Variants in MYLK observed in about 807,000 individuals in gnomAD.
MYLK encodes myosin light chain kinase, also known as myosin light chain kinase, smooth muscle.
In MYLK, 106 loss-of-function variants were observed where a neutral mutation model predicts 203.4. The ratio of observed to expected loss-of-function variants is 0.52; its 90% CI spans 0.45 to 0.61. MYLK has a LOEUF of 0.61. Among genes scored for constraint, MYLK ranks in the 20% least tolerant of loss-of-function variants. The probability of loss-of-function intolerance (pLI) is 0.00; values close to 1 mark genes in which losing one functional copy is unlikely to be tolerated. For synonymous variants in MYLK, 867 were observed against 959.5 expected (o/e 0.90, Z 1.78); for missense variants, 2,072 against 2,442.3 (o/e 0.85, Z 3.20).
At chr3:123,780,499 G>A (rs1379620345) in intron 4 of MYLK, among the ~76,000 whole-genome samples, 1 of 152,148 alleles carries the variant, frequency 6.6e-6, no homozygotes, top group Non-Finnish European at 1.5e-5. Flanking sequence ...AACAGGAAGG[G>A]GCATCACAGT....
chr3:123,744,963 C>T (rs2062971171), intron 5 of MYLK, among the ~76,000 whole-genome samples: 3 of 152,074 alleles, frequency 2.0e-5, no homozygotes, highest in Non-Finnish European at 2.9e-5. Flanking sequence ...AGTAACAGCA[C>T]TATCTATATA....
At chr3:123,638,826 G>C (rs1369871960) in intron 28 of MYLK, 1 of 985,316 alleles carries the variant, frequency 1.0e-6, no homozygotes, top group Non-Finnish European at 1.2e-6. Context: ...TTCAACCCCA[G>C]GGTGGTACCT....
chr3:123,638,314 A>G lies in MYLK; in HGVS notation c.4838-120T>C, dbSNP rs41505452. 4,040 of 1,421,172 alleles carry G rather than the reference A, an allele frequency of 2.8e-3. 86 individuals are homozygous for G. The African/African-American group carries it at 0.046, about 16-fold the overall frequency. 88.0% of individuals were successfully genotyped at this position (1,421,172 alleles called of 1,614,324 possible). On this transcript the variant is annotated intron_variant, in intron 28 of 33. Coordinates refer to ENST00000360304, the MANE Select transcript of MYLK (RefSeq NM_053025.4). ...GGAGGGGCCAGACACAGGCTTTGGC[A>G]CAGAGAACAGGCACAGAGACATCTG... is the stretch of plus-strand genomic sequence containing the variant.
At chr3:123,625,884 A>G (rs193078574) in intron 31 of MYLK, among the ~76,000 whole-genome samples, 1 of 152,274 alleles carries the variant, frequency 6.6e-6, no homozygotes, top group Non-Finnish European at 1.5e-5. Flanking sequence ...TGATAAACTG[A>G]AAAACATCCT....
At chr3:123,810,894 G>A (rs755080894) in intron 3 of MYLK, among the ~76,000 whole-genome samples, 10 of 152,242 alleles carry the variant, frequency 6.6e-5, no homozygotes, top group Non-Finnish European at 1.2e-4. Context: ...TGATAACAGA[G>A]ATCGACACAC....
Position 123,752,526 on chromosome 3 carries a change from G to A in MYLK, c.178C>T (p.Pro60Ser). Residue 60 changes from proline (P) to serine (S), a missense_variant, in exon 5 of 34, where the codon CCA (proline) becomes TCA (serine). By Grantham distance (74) the Pro-to-Ser change is moderately conservative. Transcript: ENST00000360304. Reference sequence around the variant, plus strand: ...CTGTGCCATGTCACCTGGGGCTCTGGGTAACCCCGGACCTTCAAGAAAAAG... The same window carrying A: ...CTGTGCCATGTCACCTGGGGCTCTGAGTAACCCCGGACCTTCAAGAAAAAG... ...AKFEGRVRGY[P>S]EPQVTWHRNG... 1 of 1,613,326 alleles carries A rather than the reference G, an allele frequency of 6.2e-7. No homozygotes were observed. The highest frequency in any genetic ancestry group is 8.5e-7 in the Non-Finnish European group (1 of 1,179,886).
At chr3:123,868,045 AC>A in intron 2 of MYLK, among the ~76,000 whole-genome samples, 2 of 152,338 alleles carry the variant, frequency 1.3e-5, no homozygotes, top group East Asian at 3.9e-4. Context: ...TTTGGCTCCA[AC>A]CAGTCTAGGA....
chr3:123,789,011 T>C (rs1224456205), intron 4 of MYLK, among the ~76,000 whole-genome samples: 2 of 152,114 alleles, frequency 1.3e-5, no homozygotes, highest in Non-Finnish European at 1.5e-5. Context: ...TCAGCATTTT[T>C]CCCACCATTG....
intron 4 of MYLK, among the ~76,000 whole-genome samples, chr3:123,777,969 T>A (rs2064139489): frequency 6.6e-6 from 1 of 152,284 alleles, no homozygotes; most frequent in African/African-American, 2.4e-5. Flanking sequence ...CTAACAACTA[T>A]AATACAAGAC....
At chr3:123,815,640 C>A (rs1014355588) in intron 3 of MYLK, among the ~76,000 whole-genome samples, 1 of 152,134 alleles carries the variant, frequency 6.6e-6, no homozygotes, top group African/African-American at 2.4e-5. Flanking sequence ...AAAGCCCTAT[C>A]TATGACATGG....
intron 5 of MYLK, among the ~76,000 whole-genome samples, chr3:123,741,508 C>A (rs535596528): frequency 6.6e-6 from 1 of 152,316 alleles, no homozygotes; most frequent in East Asian, 1.9e-4. Flanking sequence ...AAGGACCCAA[C>A]TGACAGTCAA....
intron 20 of MYLK, among the ~76,000 whole-genome samples, chr3:123,675,887 A>G (rs1208103669): frequency 1.3e-5 from 2 of 152,214 alleles, no homozygotes; most frequent in Non-Finnish European, 2.9e-5. Context: ...CTCATCCAGT[A>G]CATGCTTACA....
At chr3:123,755,217 A>G (rs9860263) in intron 4 of MYLK, among the ~76,000 whole-genome samples, 136,574 of 152,260 alleles carry the variant, frequency 0.9, 62,995 homozygotes, top group East Asian at 1. Context: ...AACTGCGCCA[A>G]AGGCGTCCTG....
chr3:123,796,276 T>A (rs151103181), intron 3 of MYLK, among the ~76,000 whole-genome samples: 83 of 152,322 alleles, frequency 5.4e-4, no homozygotes, highest in African/African-American at 1.9e-3. Flanking sequence ...ATTAGACACC[T>A]GAGGCACAGT....
At chr3:123,645,260 A>G in intron 27 of MYLK, among the ~76,000 whole-genome samples, 1 of 152,236 alleles carries the variant, frequency 6.6e-6, no homozygotes, top group Admixed American at 6.5e-5. Context: ...CTCAAGGTCA[A>G]ATAACAAGTT....
intron 5 of MYLK, among the ~76,000 whole-genome samples, chr3:123,741,373 G>T (rs1362896244): frequency 6.6e-6 from 1 of 152,214 alleles, no homozygotes; most frequent in African/African-American, 2.4e-5. Flanking sequence ...AGGCATTTCT[G>T]TTTAACATTA....
chr3:123,629,750 G>T lies in MYLK; in HGVS notation c.4962-124C>A. 1.0e-6 allele frequency: 1 copy of T among 956,170 alleles called. No homozygotes were observed. The highest frequency in any genetic ancestry group is 1.6e-6 in the Non-Finnish European group (1 of 614,052). 59.2% of individuals were successfully genotyped at this position (956,170 alleles called of 1,614,324 possible). On this transcript the variant is annotated intron_variant, in intron 29 of 33. Coordinates refer to ENST00000360304, the MANE Select transcript of MYLK (RefSeq NM_053025.4). This position sits in a 1 kb window ranked among gnomAD's most constrained non-coding sequence, Gnocchi z 4.4. The stretch of plus-strand genomic sequence containing the variant: ...CCACCCCCAAACTCATGCTCTGTGG[G>T]CCTTGCACCTGCCTTTCTTCCACTT...
intron 24 of MYLK, among the ~76,000 whole-genome samples, chr3:123,655,831 G>C (rs2059374301): frequency 6.6e-6 from 1 of 152,162 alleles, no homozygotes; most frequent in Admixed American, 6.5e-5. Context: ...TGGATGAAAT[G>C]ATGCATATAA....
At position 123,711,499 on chromosome 3, in the gene MYLK, C is replaced by T. The variant is rs1485099961; in HGVS notation, c.1805-1606G>A. Among the ~76,000 whole-genome samples the T allele has an allele frequency of 3.3e-5, 5 of 152,182 alleles. No homozygotes were observed. The East Asian group carries it at 9.6e-4, about 29-fold the overall frequency. On this transcript the variant is annotated intron_variant, in intron 13 of 33. Transcript: ENST00000360304. ...TTGTGGAGGTGGGTGAACAGCCTTT[C>T]CTCATGCTTAGAATCCCTGCCTCAC...
Sources: gnomAD v4.1 joint callset for allele counts (sites outside exome capture counted in the v4.1 genomes callset) on GRCh38, gnomAD v4.1.1 for gene constraint, Gnocchi (gnomAD v3.1) non-coding constraint, MANE v1.5 for transcripts, NCBI Gene and HGNC (gene_info 2026-07-23, HGNC 2026-07-21) for gene names.